The following CNTN3 variants were observed in gnomAD, a reference collection of about 807,000 sequenced individuals.
CNTN3 encodes the protein contactin 3.
A neutral mutation model predicts 119.1 loss-of-function variants in CNTN3; 60 were observed. The ratio of observed to expected loss-of-function variants is 0.50; its 90% CI spans 0.41 to 0.62. CNTN3 has a LOEUF of 0.62. Among genes scored for constraint, CNTN3 ranks in the 20% least tolerant of loss-of-function variants. The pLI is 0.00. For synonymous variants in CNTN3, 450 were observed against 438.7 expected, an observed-to-expected ratio of 1.03 and a Z score of -0.32; for missense variants, 1,101 against 1,242.4, an observed-to-expected ratio of 0.89 and a Z score of 1.71.
At chr3:74,303,712 A>T (rs1702504482) in intron 13 of CNTN3, among the ~76,000 whole-genome samples, 1 of 152,182 alleles carries the variant, frequency 6.6e-6, no homozygotes, top group African/African-American at 2.4e-5. Context: ...TCCAAAAAAT[A>T]AATAATAATA....
intron 5 of CNTN3, among the ~76,000 whole-genome samples, chr3:74,394,876 G>A (rs1020350022): frequency 5.3e-5 from 8 of 151,998 alleles, no homozygotes; most frequent in Admixed American, 2.0e-4. Flanking sequence ...AATGATGTGC[G>A]TGGAAGTGCT....
intron 22 of CNTN3, 149 bp downstream of exon 22, chr3:74,266,332 T>A (rs1055629980): frequency 1.1e-5 from 8 of 695,964 alleles, no homozygotes; most frequent in Middle Eastern, 2.6e-4. Flanking sequence ...GGGTTCCTCT[T>A]GCCCACGTCT....
rs375841739 is a variant in CNTN3 at position 74,276,259 on chromosome 3, G to T, written c.2705-8881C>A. Reference sequence around the variant, plus strand: ...GACATAAAGTTAACAAAGAAACAATGGTTTTAAACTATACTTTGGAACAAA... The same window carrying T: ...GACATAAAGTTAACAAAGAAACAATTGTTTTAAACTATACTTTGGAACAAA... On this transcript the variant is annotated intron_variant, in intron 20 of 22. Transcript: ENST00000263665. 9.2e-5 allele frequency among the ~76,000 whole-genome samples: 14 copies of T among 152,100 alleles called. No individual in the cohort carries two copies. The East Asian group carries it at 2.7e-3, about 29-fold the overall frequency.
chr3:74,602,558 T>G (rs534379053), intron 1 of CNTN3, among the ~76,000 whole-genome samples: 70 of 152,058 alleles, frequency 4.6e-4, no homozygotes, highest in Non-Finnish European at 9.0e-4. Context: ...TGCCATAAGC[T>G]GTAGAGACTA....
intron 11 of CNTN3, among the ~76,000 whole-genome samples, chr3:74,341,847 A>G (rs1703557181): frequency 6.6e-6 from 1 of 152,136 alleles, no homozygotes; most frequent in Admixed American, 6.5e-5. Flanking sequence ...GCAAAGCAGG[A>G]TTTCTGAAAA....
chr3:74,390,369 CTTT>C (rs34399433), intron 5 of CNTN3, among the ~76,000 whole-genome samples: 3 of 123,272 alleles, frequency 2.4e-5, no homozygotes, highest in Non-Finnish European at 3.3e-5. Flanking sequence ...TGAGAGTATG[CTTT>C]TTTTTTTTTT....
At chr3:74,507,674 C>T (rs988175575) in intron 2 of CNTN3, among the ~76,000 whole-genome samples, 1 of 138,366 alleles carries the variant, frequency 7.2e-6, no homozygotes, top group East Asian at 2.2e-4. Context: ...TTCTGTCACG[C>T]AGGCTGCAGT....
chr3:74,466,062 G>C (rs7432667), intron 4 of CNTN3, among the ~76,000 whole-genome samples: 76,337 of 151,986 alleles, frequency 0.5, 19,565 homozygotes, highest in Non-Finnish European at 0.55. Context: ...GTTCTGCATT[G>C]AGTTTCTATT....
At chr3:74,312,308 T>C (rs1037063555) in intron 13 of CNTN3, among the ~76,000 whole-genome samples, 1 of 151,194 alleles carries the variant, frequency 6.6e-6, no homozygotes, top group African/African-American at 2.4e-5. Flanking sequence ...TACAAAAAAC[T>C]AGCCAGGCGT....
At chr3:74,415,864 A>T (rs1235854927) in intron 5 of CNTN3, among the ~76,000 whole-genome samples, 1 of 152,118 alleles carries the variant, frequency 6.6e-6, no homozygotes, top group East Asian at 1.9e-4. Context: ...TCAAATTCAG[A>T]CTTGTAGGCT....
At chr3:74,357,603 G>A (rs566515165) in intron 11 of CNTN3, among the ~76,000 whole-genome samples, 1 of 152,220 alleles carries the variant, frequency 6.6e-6, no homozygotes, top group Non-Finnish European at 1.5e-5. Flanking sequence ...CAGTGCTTAA[G>A]AAAAGTATTT....
chr3:74,331,730 C>CCATGAT (rs1214714550), intron 13 of CNTN3, among the ~76,000 whole-genome samples: 1 of 152,110 alleles, frequency 6.6e-6, no homozygotes, highest in African/African-American at 2.4e-5. Flanking sequence ...TTGATTCGCC[C>CCATGAT]CATGATCATG....
intron 4 of CNTN3, among the ~76,000 whole-genome samples, chr3:74,453,773 A>G (rs1702207368): frequency 2.7e-5 from 4 of 150,284 alleles, no homozygotes; most frequent in Admixed American, 2.7e-4. Context: ...TTCGTTATGT[A>G]CCCAGTAGTC....
chr3:74,591,680 G>T (rs891061334), intron 1 of CNTN3, among the ~76,000 whole-genome samples: 1 of 151,836 alleles, frequency 6.6e-6, no homozygotes, highest in African/African-American at 2.4e-5. Context: ...AGAATCAATG[G>T]TAACTCCAAG....
intron 1 of CNTN3, among the ~76,000 whole-genome samples, chr3:74,607,382 T>A (rs1705010613): frequency 6.6e-6 from 1 of 152,218 alleles, no homozygotes; most frequent in East Asian, 1.9e-4. Flanking sequence ...GTCATTACCA[T>A]CTTCTGCAAT....
chr3:74,308,906 T>C (rs1422040377), intron 13 of CNTN3, among the ~76,000 whole-genome samples: 1 of 152,144 alleles, frequency 6.6e-6, no homozygotes, highest in African/African-American at 2.4e-5. Flanking sequence ...AATAGTTACC[T>C]AGCAAAATTA....
chr3:74,476,432 C>G (rs80082623), intron 4 of CNTN3, among the ~76,000 whole-genome samples: 237 of 152,232 alleles, frequency 1.6e-3, no homozygotes, highest in Middle Eastern at 3.4e-3. Context: ...GCAATAACAG[C>G]TGCTAGGTAA....
chr3:74,531,676 G>A lies in CNTN3; in HGVS notation c.-80-10484C>T, dbSNP rs543644231. 1.3e-5 allele frequency among the ~76,000 whole-genome samples: 2 copies of A among 152,092 alleles called. 1 individual carries two copies. The highest frequency in any genetic ancestry group is 4.1e-4 in the South Asian group (2 of 4,822). On this transcript the variant is annotated intron_variant, in intron 1 of 22. Transcript: ENST00000263665. ...GTTAAGGGTGTGAGCAGAGGAAGAT[G>A]AACTCCCTTCTGAAGAAGACAAAAG...
chr3:74,272,244 G>A (rs1198733160), intron 20 of CNTN3, among the ~76,000 whole-genome samples: 1 of 152,194 alleles, frequency 6.6e-6, no homozygotes, highest in African/African-American at 2.4e-5. Flanking sequence ...GTGTTGGGCT[G>A]CATTCAAAGC....
Sources: gnomAD v4.1 joint callset for allele counts (sites outside exome capture counted in the v4.1 genomes callset) on GRCh38, gnomAD v4.1.1 for gene constraint, MANE v1.5 for transcripts, NCBI Gene and HGNC (gene_info 2026-07-23, HGNC 2026-07-21) for gene names.